RET: variants seen among roughly 807,000 people sequenced by gnomAD.
RET encodes proto-oncogene tyrosine-protein kinase receptor Ret.
Under a neutral mutation model 118.3 loss-of-function variants are expected in RET, and 19 were observed. That is an observed-to-expected ratio of 0.16 (90% CI 0.11 to 0.24). The LOEUF is 0.24. Ranked by LOEUF, RET falls within the 10% of genes least tolerant of loss-of-function variation. The pLI, the probability that RET is intolerant of heterozygous loss-of-function variation, is 1.00. For missense variants in RET, 1,219 were observed against 1,502.1 expected, an observed-to-expected ratio of 0.81 and a Z score of 3.12; for synonymous variants, 597 against 644.1, an observed-to-expected ratio of 0.93 and a Z score of 1.11.
chr10:43,088,234 GTGGTGGTGA>G lies in RET; in HGVS notation c.73+10912_73+10920del, dbSNP rs1419397918. 3.9e-3 allele frequency among the ~76,000 whole-genome samples: 592 copies of G among 151,880 alleles called. 2 individuals carry two copies. The highest frequency in any genetic ancestry group is 0.013 in the African/African-American group (549 of 41,394). ...GGGAATGGTGGTGGTGGAGGCAATG[GTGGTGGTGA>G]TGGTGGTGGTGGAGGCCATGGTATT... is the stretch of plus-strand genomic sequence containing the variant. On this transcript the variant is annotated intron_variant, in intron 1 of 19. Coordinates refer to ENST00000355710, the MANE Select transcript of RET (RefSeq NM_020975.6).
intron 1 of RET, among the ~76,000 whole-genome samples, chr10:43,078,257 G>A (rs77125037): frequency 0.022 from 3,362 of 152,328 alleles, 57 homozygotes; most frequent in Middle Eastern, 0.051. Flanking sequence ...CCAAGCGCTT[G>A]TGTATGAACC....
chr10:43,126,700 A>G lies in RET; in HGVS notation c.3165A>G (p.Thr1055=), dbSNP rs200289472. The stretch of plus-strand genomic sequence containing the variant: ...CCCTCCCTCGAGCCCTCCCTTCCAC[A>G]TGGATTGAAAACAAACTCTATGGTA... ...NAPLPRALPS[T]WIENKLYGMS... Residue 1055 remains threonine (T), a synonymous_variant, in exon 19 of 20, where the codon ACA becomes ACG. Coordinates refer to ENST00000355710, the MANE Select transcript of RET (RefSeq NM_020975.6). The G allele has an allele frequency of 3.1e-6, 5 of 1,613,938 alleles. No homozygotes were observed. The highest frequency in any genetic ancestry group is 1.7e-5 in the Admixed American group (1 of 60,012).
intron 1 of RET, among the ~76,000 whole-genome samples, chr10:43,086,890 G>A (rs1588854249): frequency 1.3e-5 from 2 of 152,342 alleles, no homozygotes; most frequent in African/African-American, 4.8e-5. Flanking sequence ...CTGGGTCTGT[G>A]TGCAGAAGGT....
At chr10:43,125,140 C>T (rs887686726) in intron 18 of RET, among the ~76,000 whole-genome samples, 158 bp downstream of exon 18, 4 of 152,206 alleles carry the variant, frequency 2.6e-5, no homozygotes, top group African/African-American at 7.2e-5. Context: ...ATGCAGACAG[C>T]AGATTGAACC....
chr10:43,102,954 T>C, intron 3 of RET: 4 of 444,336 alleles, frequency 9.0e-6, no homozygotes, highest in South Asian at 8.5e-5. Context: ...AGGGAAACGC[T>C]GAAGAGGAGG....
At position 43,122,034 on chromosome 10, in the gene RET, T is replaced by G; in HGVS notation, c.2801+18T>G. On this transcript the variant is annotated intron_variant, in intron 16 of 19. Transcript: ENST00000355710. ...AGTGATGTGTAAGTGTGGGTGTTGC[T>G]CTCTTGGGGTGGAGGTTACAGAAAC... The G allele has an allele frequency of 1.2e-6, 2 of 1,603,812 alleles. No homozygotes were observed. Among genetic ancestry groups the G allele is most frequent in the Non-Finnish European group, 1.7e-6 (2 of 1,170,558 alleles).
chr10:43,111,739 C>T (rs1329032286), intron 7 of RET, among the ~76,000 whole-genome samples: 6 of 152,258 alleles, frequency 3.9e-5, no homozygotes, highest in Non-Finnish European at 5.9e-5. Flanking sequence ...GAAAGACACA[C>T]CTCTAGGTCC....
At chr10:43,121,261 C>T (rs1838211979) in intron 15 of RET, among the ~76,000 whole-genome samples, 1 of 152,178 alleles carries the variant, frequency 6.6e-6, no homozygotes, top group Admixed American at 6.5e-5. Flanking sequence ...GACATAAATC[C>T]CTCATGTGTT....
intron 1 of RET, among the ~76,000 whole-genome samples, chr10:43,096,215 C>T (rs975784705): frequency 1.3e-5 from 2 of 152,098 alleles, no homozygotes; most frequent in Non-Finnish European, 2.9e-5. Context: ...TGTCACCAGA[C>T]GTGGGTCTCG....
Position 43,114,391 on chromosome 10 carries a change from G to C in RET, c.1880-89G>C, listed in dbSNP as rs1838013922. ...CCAGCTGGCGCGGACACGGCAGGCT[G>C]GAGAGCCATGAGGCAGAGCATACGC... is the stretch of plus-strand genomic sequence containing the variant. On this transcript the variant is annotated intron_variant, in intron 10 of 19. Transcript: ENST00000355710. The surrounding 1 kb of genome is among the most constrained non-coding windows in gnomAD (Gnocchi z 4.6). 1.3e-6 allele frequency: 2 copies of C among 1,563,132 alleles called. No individual in the cohort carries two copies. The highest frequency in any genetic ancestry group is 4.6e-5 in the East Asian group (2 of 43,910).
chr10:43,094,401 A>C (rs1837477633), intron 1 of RET, among the ~76,000 whole-genome samples: 1 of 152,226 alleles, frequency 6.6e-6, no homozygotes, highest in Non-Finnish European at 1.5e-5. Flanking sequence ...CCTGCTCTAC[A>C]CACATGCCCT....
intron 1 of RET, among the ~76,000 whole-genome samples, chr10:43,090,763 C>G (rs990253996): frequency 6.6e-6 from 1 of 150,892 alleles, no homozygotes; most frequent in African/African-American, 2.4e-5. Flanking sequence ...GCAGTGGTGC[C>G]GGTCAGGAGC....
At position 43,122,144 on chromosome 10, in the gene RET, T is replaced by A. The variant is rs754572192; in HGVS notation, c.2801+128T>A. 1.0e-5 allele frequency: 8 copies of A among 794,768 alleles called. 1 individual carries two copies. In the South Asian group the frequency reaches 1.1e-4, roughly 11 times the overall value. 49.2% of individuals were successfully genotyped at this position (794,768 alleles called of 1,614,324 possible). A position where few individuals can be genotyped will look rare whatever the true frequency, so the allele number is the denominator to read the frequency against. On this transcript the variant is annotated intron_variant, in intron 16 of 19. Coordinates refer to ENST00000355710, the MANE Select transcript of RET (RefSeq NM_020975.6). ...ACTGGCCCTGAGCACCTGTCTGCAG[T>A]GCTAGCCCTCTGCAATGACCCCCTC...
Position 43,106,225 on chromosome 10 carries a change from A to G in RET, c.868-151A>G, listed in dbSNP as rs923318313. On this transcript the variant is annotated intron_variant, in intron 4 of 19. Coordinates refer to ENST00000355710, the MANE Select transcript of RET (RefSeq NM_020975.6). The surrounding 1 kb of genome is among the most constrained non-coding windows in gnomAD (Gnocchi z 5.1). ...AGTGACCCCGTGGGAACTTGAACCC[A>G]GGTCAGACTGTCCCCAGACCTGGCT... The G allele has an allele frequency of 1.2e-6, 1 of 818,218 alleles. No homozygotes were observed. Among genetic ancestry groups the G allele is most frequent in the Non-Finnish European group, 2.0e-6 (1 of 497,068 alleles). The allele number at this position is 818,218 out of a possible 1,614,324, so 50.7% of individuals were successfully genotyped here.
At position 43,105,111 on chromosome 10, in the gene RET, T is replaced by C. The variant is rs139790943; in HGVS notation, c.785T>C (p.Val262Ala). ...GTGATGGTGCCCTTCCCGGTGACCG[T>C]GTACGACGAGGACGACTCGGCGCCC... ...EVVMVPFPVT[V>A]YDEDDSAPTF... Residue 262 changes from valine to alanine, a missense_variant, in exon 4 of 20, where the codon GTG (valine) becomes GCG (alanine). This residue lies in a region of RET where 850 missense variants were observed against 969.6 expected (regional missense o/e 0.88). Coordinates refer to ENST00000355710, the MANE Select transcript of RET (RefSeq NM_020975.6). 347 of 1,612,474 alleles carry C rather than the reference T, an allele frequency of 2.2e-4. 2 individuals carry two copies. In the Middle Eastern group the frequency reaches 6.3e-3, roughly 29 times the overall value.
intron 12 of RET, among the ~76,000 whole-genome samples, 184 bp downstream of exon 12, chr10:43,116,915 C>G (rs1838086384): frequency 6.6e-6 from 1 of 152,236 alleles, no homozygotes; most frequent in South Asian, 2.1e-4. Context: ...CTTTGCTCTC[C>G]CTGGAAGGCT....
chr10:43,091,548 T>A (rs1309827946), intron 1 of RET, among the ~76,000 whole-genome samples: 2 of 151,544 alleles, frequency 1.3e-5, no homozygotes, highest in Non-Finnish European at 2.9e-5. Flanking sequence ...GGAGAATCGC[T>A]TGAACTCAGG....
At chr10:43,110,646 A>T (rs1459540641) in intron 6 of RET, among the ~76,000 whole-genome samples, 2 of 152,166 alleles carry the variant, frequency 1.3e-5, no homozygotes, top group Admixed American at 6.5e-5. Context: ...CTCTGCTCAA[A>T]GTCCCAGGGA....
chr10:43,077,993 G>A (rs1007233778), intron 1 of RET, among the ~76,000 whole-genome samples: 1 of 152,224 alleles, frequency 6.6e-6, no homozygotes, highest in Non-Finnish European at 1.5e-5. Flanking sequence ...GGCGCTGCCT[G>A]GCAGAGATGC....
Sources: gnomAD v4.1 joint callset for allele counts (sites outside exome capture counted in the v4.1 genomes callset) on GRCh38, gnomAD v4.1.1 for gene constraint, gnomAD v4.1.1 regional missense constraint, Gnocchi (gnomAD v3.1) non-coding constraint, MANE v1.5 for transcripts, NCBI Gene and HGNC (gene_info 2026-07-23, HGNC 2026-07-21) for gene names.